Variants in NCOA7 observed in about 807,000 individuals in gnomAD.
The protein encoded by NCOA7 is 140 kDa estrogen receptor-associated protein.
Under a neutral mutation model 104.3 loss-of-function variants are expected in NCOA7, and 45 were observed. The observed-to-expected ratio is 0.43, with a 90% CI of 0.34 to 0.55. The LOEUF (loss-of-function observed/expected upper bound fraction) is 0.55. NCOA7 is among the 20% of genes least tolerant of loss of function. The probability of loss-of-function intolerance (pLI) is 0.02; values close to 1 mark genes in which losing one functional copy is unlikely to be tolerated. For synonymous variants in NCOA7, 398 were observed against 402.3 expected (o/e 0.99, Z 0.13); for missense variants, 1,041 against 1,119.7 (o/e 0.93, Z 1.00).
intron 7 of NCOA7, among the ~76,000 whole-genome samples, chr6:125,884,871 C>T (rs1396745404): frequency 6.6e-6 from 1 of 152,208 alleles, no homozygotes; most frequent in Non-Finnish European, 1.5e-5. Flanking sequence ...CTGAGACGTG[C>T]ATGTGAGAAC....
At chr6:125,819,927 C>G (rs1252763391) in intron 2 of NCOA7, among the ~76,000 whole-genome samples, 1 of 152,176 alleles carries the variant, frequency 6.6e-6, no homozygotes, top group African/African-American at 2.4e-5. Flanking sequence ...CAAAATACAT[C>G]TGTAGTTGAA....
rs1206514340 is a variant in NCOA7 at position 125,889,832 on chromosome 6, T to C, written c.1778T>C (p.Leu593Pro). The stretch of plus-strand genomic sequence containing the variant: ...AAGGGAGAGCCCCTCCCGGTAAAAC[T>C]GAACTCTTCTACAGAAGCAAATGTG... ...VKKGEPLPVKLNSSTEANVIK... is the reference protein window; with the variant it reads ...VKKGEPLPVKPNSSTEANVIK... The change falls in exon 9 of 16, where the codon CTG becomes CCG. Residue 593 changes from leucine to proline, a missense_variant. Leu to Pro is a moderately conservative substitution (Grantham distance 98). Transcript: ENST00000392477. 4 of 1,613,700 alleles carry C rather than the reference T, an allele frequency of 2.5e-6. No homozygotes were observed. The highest frequency in any genetic ancestry group is 3.4e-6 in the Non-Finnish European group (4 of 1,179,882).
chr6:125,873,971 C>G (rs1783140020), intron 3 of NCOA7, among the ~76,000 whole-genome samples: 1 of 152,038 alleles, frequency 6.6e-6, no homozygotes, highest in African/African-American at 2.4e-5. Flanking sequence ...TGTATTTAAC[C>G]CTGACAGTTA....
intron 10 of NCOA7, among the ~76,000 whole-genome samples, chr6:125,897,657 T>C (rs1785146850): frequency 6.6e-6 from 1 of 152,208 alleles, no homozygotes; most frequent in Non-Finnish European, 1.5e-5. Flanking sequence ...CTATAGTAAA[T>C]GCAAATTGGG....
chr6:125,873,507 T>C (rs1783104101), intron 3 of NCOA7, among the ~76,000 whole-genome samples: 1 of 152,222 alleles, frequency 6.6e-6, no homozygotes, highest in Admixed American at 6.5e-5. Flanking sequence ...TATTCCTAAT[T>C]GCTGGAATCT....
chr6:125,897,438 T>G (rs1785122354), intron 10 of NCOA7, among the ~76,000 whole-genome samples: 1 of 152,188 alleles, frequency 6.6e-6, no homozygotes, highest in Admixed American at 6.5e-5. Context: ...AGCCTTAAGC[T>G]CATAGTTTTT....
chr6:125,798,311 G>A lies in NCOA7; in HGVS notation c.-65+7244G>A, dbSNP rs1289119327. 3 of 152,328 alleles carry A rather than the reference G, an allele frequency of 2.0e-5. No individual in the cohort carries two copies. The East Asian group carries it at 5.8e-4, about 29-fold the overall frequency. 9.4% of individuals were successfully genotyped at this position (152,328 alleles called of 1,614,324 possible). A position where few individuals can be genotyped will look rare whatever the true frequency, so the allele number is the denominator to read the frequency against. ...TCCTGTTCCACCAGTTACCACCTCT[G>A]TGCAGTTAGGAAGTTATTTTCTCCA... On this transcript the variant is annotated intron_variant, in intron 1 of 15. Transcript: ENST00000392477.
intron 2 of NCOA7, among the ~76,000 whole-genome samples, chr6:125,834,343 T>C (rs1173603706): frequency 1.3e-5 from 2 of 152,162 alleles, no homozygotes; most frequent in Non-Finnish European, 2.9e-5. Flanking sequence ...AAAGTTTGAT[T>C]AAAAAAACGG....
chr6:125,810,202 GTGTGACCCACAGC>G (rs1776851278), intron 1 of NCOA7: 1 of 152,202 alleles, frequency 6.6e-6, no homozygotes, highest in African/African-American at 2.4e-5. Context: ...ACCTCCAGCT[GTGTGACCCACAGC>G]TGTGTGGGTC....
intron 1 of NCOA7, among the ~76,000 whole-genome samples, chr6:125,806,416 G>A (rs1290907450): frequency 6.6e-6 from 1 of 152,164 alleles, no homozygotes; most frequent in East Asian, 1.9e-4. Flanking sequence ...GAATCACAGA[G>A]CATATGGAAA....
intron 1 of NCOA7, among the ~76,000 whole-genome samples, chr6:125,805,348 G>A (rs1776348489): frequency 6.6e-6 from 1 of 152,082 alleles, no homozygotes; most frequent in African/African-American, 2.4e-5. Context: ...ACCCGCCTCA[G>A]CCTGCCAAAG....
At chr6:125,862,055 A>G (rs1782109247) in intron 3 of NCOA7, among the ~76,000 whole-genome samples, 1 of 131,970 alleles carries the variant, frequency 7.6e-6, no homozygotes, top group South Asian at 2.3e-4. Flanking sequence ...AAAAAAAAAA[A>G]AAAAAAAAAG....
chr6:125,851,729 T>C (rs1284482095), intron 2 of NCOA7, among the ~76,000 whole-genome samples: 1 of 152,222 alleles, frequency 6.6e-6, no homozygotes, highest in African/African-American at 2.4e-5. Context: ...AAGTGTTCCC[T>C]TTTCACCACA....
intron 1 of NCOA7, among the ~76,000 whole-genome samples, 154 bp downstream of exon 1, chr6:125,791,221 C>G (rs979995570): frequency 6.6e-6 from 1 of 152,178 alleles, no homozygotes; most frequent in Non-Finnish European, 1.5e-5. Context: ...GGGCGTAGCC[C>G]CCTGTGAACC....
intron 10 of NCOA7, among the ~76,000 whole-genome samples, chr6:125,900,483 G>A (rs1443421649): frequency 6.6e-6 from 1 of 152,268 alleles, no homozygotes; most frequent in Non-Finnish European, 1.5e-5. Context: ...GAACCAAAGA[G>A]TATTTTTCTT....
chr6:125,847,628 C>T (rs1267377339), intron 2 of NCOA7, among the ~76,000 whole-genome samples: 1 of 152,128 alleles, frequency 6.6e-6, no homozygotes, highest in Non-Finnish European at 1.5e-5. Flanking sequence ...TGGATCCCTT[C>T]CTTACACCTT....
intron 1 of NCOA7, among the ~76,000 whole-genome samples, chr6:125,810,659 G>T (rs558293131): frequency 6.6e-6 from 1 of 152,262 alleles, no homozygotes; most frequent in Admixed American, 6.5e-5. Context: ...AAGGAGCTCT[G>T]GTTCTTCACT....
At chr6:125,799,596 C>T (rs763772925) in intron 1 of NCOA7, among the ~76,000 whole-genome samples, 2 of 152,148 alleles carry the variant, frequency 1.3e-5, no homozygotes, top group South Asian at 4.1e-4. Flanking sequence ...TGCACCACCA[C>T]GCCCAGCTAA....
intron 2 of NCOA7, among the ~76,000 whole-genome samples, chr6:125,836,080 A>G (rs561026756): frequency 6.6e-6 from 1 of 152,336 alleles, no homozygotes; most frequent in African/African-American, 2.4e-5. Context: ...TCATTAGTTT[A>G]GGTAATTATA....
Sources: allele counts gnomAD v4.1 joint callset (sites outside exome capture counted in the v4.1 genomes callset), GRCh38; gene constraint gnomAD v4.1.1; transcripts MANE v1.5; gene names NCBI Gene and HGNC (gene_info 2026-07-23, HGNC 2026-07-21).